The following CATSPERG variants were observed in gnomAD, a reference collection of about 807,000 sequenced individuals.
CATSPERG encodes catsper channel auxiliary subunit gamma.
CATSPERG carries 115 observed loss-of-function variants against 145.0 expected under a neutral mutation model. The ratio of observed to expected loss-of-function variants is 0.79; its 90% CI spans 0.68 to 0.93. CATSPERG has a LOEUF of 0.93. Among genes scored for constraint, CATSPERG ranks in the 40% least tolerant of loss-of-function variants. The pLI is 0.00. For missense variants in CATSPERG, 1,296 were observed against 1,490.1 expected, an observed-to-expected ratio of 0.87 and a Z score of 2.14; for synonymous variants, 588 against 589.0, an observed-to-expected ratio of 1.00 and a Z score of 0.02.
At position 38,356,937 on chromosome 19, in the gene CATSPERG, G is replaced by T. The variant is rs527289565; in HGVS notation, c.1315+76G>T. On this transcript the variant is annotated intron_variant, in intron 11 of 28. Transcript: ENST00000409235. Reference sequence around the variant, plus strand: ...TGTGGACTGCATGCCCATCCTGAGGGATCTGTGCCCAGCAGACAGAGGGAG... The same window carrying T: ...TGTGGACTGCATGCCCATCCTGAGGTATCTGTGCCCAGCAGACAGAGGGAG... 3.8e-5 allele frequency: 59 copies of T among 1,572,960 alleles called. No individual in the cohort carries two copies. In the African/African-American group the frequency reaches 6.9e-4, roughly 18 times the overall value.
Position 38,337,646 on chromosome 19 carries a change from G to C in CATSPERG, c.324G>C (p.Lys108Asn). ...YLKINYSCEE[K>N]PSEDLVRMGH... ...AGATCAACTACTCCTGCGAGGAAAA[G>C]GTGAGTGGGTGCAGCACGGATAGGC... The change falls in exon 3 of 29, where the codon AAG becomes AAC. Residue 108 changes from lysine (K) to asparagine (N), a missense_variant and splice_region_variant. Physicochemically the swap from Lys to Asn is moderately conservative, Grantham distance 94. Transcript: ENST00000409235. The C allele has an allele frequency of 6.4e-7, 1 of 1,551,636 alleles. No homozygotes were observed. Among genetic ancestry groups the C allele is most frequent in the Non-Finnish European group, 8.7e-7 (1 of 1,146,922 alleles).
chr19:38,356,880 G>A lies in CATSPERG; in HGVS notation c.1315+19G>A. 8.1e-6 allele frequency: 13 copies of A among 1,613,362 alleles called. No individual in the cohort carries two copies. The highest frequency in any genetic ancestry group is 2.2e-5 in the East Asian group (1 of 44,878). On this transcript the variant is annotated intron_variant, in intron 11 of 28. Transcript: ENST00000409235. ...AACACAGGTAATGAGGGTGATGCAA[G>A]GGGCTGGGCACAAAGGGGCAGGATC... is the stretch of plus-strand genomic sequence containing the variant.
chr19:38,336,750 A>G (rs1431178283), intron 1 of CATSPERG: 22 of 258,270 alleles, frequency 8.5e-5, no homozygotes, highest in Non-Finnish European at 2.3e-5. Context: ...AGAAATAGAA[A>G]CCAAGACCAG....
chr19:38,347,543 C>A (rs1335372996), intron 7 of CATSPERG, among the ~76,000 whole-genome samples: 1 of 152,150 alleles, frequency 6.6e-6, no homozygotes, highest in Non-Finnish European at 1.5e-5. Flanking sequence ...GAGGGAGTGT[C>A]TGAAGTAAGG....
chr19:38,360,332 A>G (rs1435627780), intron 14 of CATSPERG, 157 bp from the exon 15 acceptor site: 10 of 985,224 alleles, frequency 1.0e-5, no homozygotes, highest in Non-Finnish European at 1.2e-5. Flanking sequence ...CCGTGGCACC[A>G]CAGAGAAAAG....
intron 11 of CATSPERG, 105 bp downstream of exon 11, chr19:38,356,966 A>G (rs1970255394): frequency 7.0e-7 from 1 of 1,421,510 alleles, no homozygotes; most frequent in Non-Finnish European, 9.7e-7. Flanking sequence ...GAGGGAGGGC[A>G]ACATTACCTG....
chr19:38,362,042 G>T (rs931198859), intron 17 of CATSPERG, 168 bp from the exon 18 acceptor site: 2 of 945,418 alleles, frequency 2.1e-6, no homozygotes, highest in Non-Finnish European at 1.6e-6. Context: ...GAAGGCGTTG[G>T]GGGTGTGGCC....
intron 20 of CATSPERG, among the ~76,000 whole-genome samples, chr19:38,363,087 G>A (rs1008216541): frequency 6.6e-6 from 1 of 152,042 alleles, no homozygotes; most frequent in Non-Finnish European, 1.5e-5. Flanking sequence ...CGCCCAGGCT[G>A]GAGTGCAATG....
chr19:38,342,248 T>TAAA (rs1394496962), intron 3 of CATSPERG, among the ~76,000 whole-genome samples: 4 of 150,826 alleles, frequency 2.7e-5, no homozygotes, highest in Admixed American at 6.6e-5. Context: ...AATAAATAAA[T>TAAA]TACAGAAATA....
In CATSPERG at chr19:38,337,452, C is replaced by T; in HGVS notation, c.218C>T (p.Thr73Ile). ...DSFFEQEPVD[T>I]VSSLFHMLVD... ...TTCTTTGAGCAAGAGCCCGTGGACA[C>T]AGTGAGCAGCTTGTTTCACATGCTG... The change falls in exon 2 of 29, where the codon ACA becomes ATA. Residue 73 changes from threonine (T) to isoleucine (I), a missense_variant. Physicochemically the swap from Thr to Ile is moderately conservative, Grantham distance 89. Transcript: ENST00000409235. The T allele has an allele frequency of 6.4e-7, 1 of 1,552,156 alleles. No individual in the cohort carries two copies. Among genetic ancestry groups the T allele is most frequent in the Non-Finnish European group, 8.7e-7 (1 of 1,147,112 alleles).
chr19:38,336,090 A>C, intron 1 of CATSPERG: 1 of 389,834 alleles, frequency 2.6e-6, no homozygotes, highest in Non-Finnish European at 5.2e-6. Context: ...TGAAGGGCGA[A>C]GGGCGGGGCG....
At chr19:38,356,307 G>C (rs1225825350) in intron 9 of CATSPERG, among the ~76,000 whole-genome samples, 177 bp from the exon 10 acceptor site, 1 of 152,186 alleles carries the variant, frequency 6.6e-6, no homozygotes, top group Admixed American at 6.6e-5. Flanking sequence ...ACAGTCTCAT[G>C]ACTGTGACCA....
At position 38,361,655 on chromosome 19, in the gene CATSPERG, T is replaced by C. The variant is rs149702541; in HGVS notation, c.1888T>C (p.Leu630=). The change falls in exon 17 of 29, where the codon TTG becomes CTG. Residue 630 remains leucine (L), a synonymous_variant. Coordinates refer to ENST00000409235, the MANE Select transcript of CATSPERG (RefSeq NM_021185.5). ...HYDLERKGGY[L]MLSFIDFCPF... ...CCCCTTGCCACTGCCCAGGGGCTACTTGATGCTCTCCTTCATCGACTTCTG... is the reference window on the plus strand; with the variant it reads ...CCCCTTGCCACTGCCCAGGGGCTACCTGATGCTCTCCTTCATCGACTTCTG... 9.3e-6 allele frequency: 15 copies of C among 1,609,888 alleles called. No homozygotes were observed. The highest frequency in any genetic ancestry group is 5.4e-5 in the African/African-American group (4 of 74,766).
rs778777243 is a variant in CATSPERG at position 38,362,340 on chromosome 19, C to T, written c.2158-36C>T. 13 of 1,613,610 alleles carry T rather than the reference C, an allele frequency of 8.1e-6. No homozygotes were observed. In the South Asian group the frequency reaches 1.2e-4, roughly 15 times the overall value. ...GACACCCCTCACCGTGCCCCACCCCCGGCGCTGACTCTGCCCCGCGCATCC... is the reference window on the plus strand; with the variant it reads ...GACACCCCTCACCGTGCCCCACCCCTGGCGCTGACTCTGCCCCGCGCATCC... On this transcript the variant is annotated intron_variant, in intron 18 of 28. Transcript: ENST00000409235.
chr19:38,356,909 G>C (rs751815675), intron 11 of CATSPERG, 48 bp downstream of exon 11: 1 of 1,605,084 alleles, frequency 6.2e-7, no homozygotes, highest in Non-Finnish European at 8.5e-7. Context: ...CAGGATCCCA[G>C]ACTGTGGACT....
chr19:38,338,430 G>A (rs1969881552), intron 3 of CATSPERG, among the ~76,000 whole-genome samples: 1 of 152,202 alleles, frequency 6.6e-6, no homozygotes, highest in Admixed American at 6.5e-5. Flanking sequence ...TTACAGGCGT[G>A]AGCCACCTCA....
intron 16 of CATSPERG, 87 bp from the exon 17 acceptor site, chr19:38,361,561 T>G: frequency 9.5e-7 from 1 of 1,056,632 alleles, no homozygotes; most frequent in South Asian, 1.4e-5. Flanking sequence ...ATACGGGAAG[T>G]GGGTGGGGTG....
At chr19:38,364,685 C>T (rs1486013169) in intron 20 of CATSPERG, among the ~76,000 whole-genome samples, 1 of 152,248 alleles carries the variant, frequency 6.6e-6, no homozygotes, top group Non-Finnish European at 1.5e-5. Flanking sequence ...CTCGGGAGGC[C>T]GAGGCTGGCG....
chr19:38,362,135 G>A (rs1970358397), intron 17 of CATSPERG, 75 bp from the exon 18 acceptor site: 1 of 1,488,158 alleles, frequency 6.7e-7, no homozygotes, highest in South Asian at 1.2e-5. Flanking sequence ...CTAGGAGGTG[G>A]TCTGGGGATG....
Sources: allele counts gnomAD v4.1 joint callset (sites outside exome capture counted in the v4.1 genomes callset), GRCh38; gene constraint gnomAD v4.1.1; transcripts MANE v1.5; gene names NCBI Gene and HGNC (gene_info 2026-07-23, HGNC 2026-07-21).